RYR2: variants seen among roughly 807,000 people sequenced by gnomAD.
The protein encoded by RYR2 is ryanodine receptor 2, also known as cardiac muscle ryanodine receptor-calcium release channel.
A neutral mutation model predicts 601.1 loss-of-function variants in RYR2; 227 were observed. That is an observed-to-expected ratio of 0.38 (90% CI 0.34 to 0.42). The LOEUF is 0.42. RYR2 is among the 10% of genes least tolerant of loss of function. RYR2 has a pLI of 1.00. For missense variants in RYR2, 4,646 were observed against 6,156.5 expected (o/e 0.75, Z 8.21); for synonymous variants, 2,223 against 2,175.1 (o/e 1.02, Z -0.61).
In RYR2 at chr1:237,047,312, C is replaced by T. The variant is rs528754819; in HGVS notation, c.48+4743C>T. Among the ~76,000 whole-genome samples, 4 of 150,488 alleles carry T rather than the reference C, an allele frequency of 2.7e-5. No homozygotes were observed. The South Asian group carries it at 8.5e-4, about 32-fold the overall frequency. On this transcript the variant is annotated intron_variant, in intron 1 of 104. Transcript: ENST00000366574. ...CCAGTGAAAAGGAGGTTTCTTTTGT[C>T]TTTTCTAATGTTACAGTCCCTCACA...
intron 1 of RYR2, among the ~76,000 whole-genome samples, chr1:237,148,561 C>CATATATATATATATATATATAT (rs1558320364): frequency 8.2e-5 from 9 of 109,748 alleles, no homozygotes; most frequent in African/African-American, 3.4e-4. Flanking sequence ...TATACACACA[C>CATATATATATATATATATATAT]ACATATATAT....
intron 1 of RYR2, among the ~76,000 whole-genome samples, chr1:237,163,242 T>A (rs1676237298): frequency 6.6e-6 from 1 of 152,164 alleles, no homozygotes; most frequent in Admixed American, 6.5e-5. Context: ...GTTCTCCCTT[T>A]TACTGTCCAC....
chr1:237,561,833 G>A (rs2148203666), intron 27 of RYR2, among the ~76,000 whole-genome samples: 1 of 152,286 alleles, frequency 6.6e-6, no homozygotes, highest in African/African-American at 2.4e-5. Flanking sequence ...GGCAGTGCTT[G>A]GAGGTAGACC....
Position 237,713,343 on chromosome 1 carries a change from T to C in RYR2, c.10323+1506T>C, listed in dbSNP as rs181617109. Among the ~76,000 whole-genome samples the C allele has an allele frequency of 3.0e-3, 453 of 152,264 alleles. 5 individuals are homozygous for C. The highest frequency in any genetic ancestry group is 3.9e-3 in the Non-Finnish European group (267 of 68,026). On this transcript the variant is annotated intron_variant, in intron 71 of 104. Transcript: ENST00000366574. Reference sequence around the variant, plus strand: ...AGATAAGAACCTCTCAATTTTAACATTTCTGACCCACAAATTTTCTCAAAC... The same window carrying C: ...AGATAAGAACCTCTCAATTTTAACACTTCTGACCCACAAATTTTCTCAAAC...
At chr1:237,496,971 G>A (rs1438128182) in intron 20 of RYR2, among the ~76,000 whole-genome samples, 1 of 152,142 alleles carries the variant, frequency 6.6e-6, no homozygotes, top group Non-Finnish European at 1.5e-5. Flanking sequence ...AGGGACTGCC[G>A]AGCTTGTGAA....
intron 10 of RYR2, among the ~76,000 whole-genome samples, chr1:237,391,588 A>G (rs995712678): frequency 2.0e-5 from 3 of 152,182 alleles, no homozygotes; most frequent in Non-Finnish European, 4.4e-5. Context: ...CTGTGTTTCT[A>G]CATGGATTTG....
chr1:237,713,420 G>A lies in RYR2; in HGVS notation c.10323+1583G>A, dbSNP rs572550803. Among the ~76,000 whole-genome samples, 149 of 151,950 alleles carry A rather than the reference G, an allele frequency of 9.8e-4. 1 individual carries two copies. Among genetic ancestry groups the A allele is most frequent in the Middle Eastern group, 3.4e-3 (1 of 294 alleles). Reference sequence around the variant, plus strand: ...TTTGTTTGTTTTGTTTTTTTGAGACGGAGCCTTGCTTTGTTGCCCAGGCTG... The same window carrying A: ...TTTGTTTGTTTTGTTTTTTTGAGACAGAGCCTTGCTTTGTTGCCCAGGCTG... On this transcript the variant is annotated intron_variant, in intron 71 of 104. Transcript: ENST00000366574.
At chr1:237,333,016 T>G (rs1330032377) in intron 3 of RYR2, among the ~76,000 whole-genome samples, 1 of 152,186 alleles carries the variant, frequency 6.6e-6, no homozygotes, top group Non-Finnish European at 1.5e-5. Context: ...CATTTATTAG[T>G]TAGAATTTCT....
chr1:237,101,988 G>A (rs2148521740), intron 1 of RYR2, among the ~76,000 whole-genome samples: 1 of 152,330 alleles, frequency 6.6e-6, no homozygotes, highest in Non-Finnish European at 1.5e-5. Context: ...TGCCTTGTGG[G>A]CCTCTTGATG....
At chr1:237,446,035 T>G (rs745814958) in intron 14 of RYR2, among the ~76,000 whole-genome samples, 3 of 152,184 alleles carry the variant, frequency 2.0e-5, no homozygotes, top group Non-Finnish European at 2.9e-5. Flanking sequence ...CAGGATGAAC[T>G]CGATCTCTTG....
intron 98 of RYR2, among the ~76,000 whole-genome samples, chr1:237,803,546 C>T (rs554678529): frequency 3.9e-5 from 6 of 152,168 alleles, no homozygotes; most frequent in East Asian, 3.9e-4. Context: ...GTGAACCGAC[C>T]GCCTTGGCCT....
chr1:237,403,689 G>A (rs762992315), intron 10 of RYR2, among the ~76,000 whole-genome samples: 3 of 152,216 alleles, frequency 2.0e-5, no homozygotes, highest in Non-Finnish European at 4.4e-5. Flanking sequence ...GCCTCCCAAA[G>A]TGCTGGGATT....
At chr1:237,713,559 C>G (rs934420829) in intron 71 of RYR2, among the ~76,000 whole-genome samples, 1 of 151,946 alleles carries the variant, frequency 6.6e-6, no homozygotes, top group Non-Finnish European at 1.5e-5. Flanking sequence ...CCACCATGCC[C>G]AGTTAATTTT....
At chr1:237,126,037 G>C (rs997968651) in intron 1 of RYR2, among the ~76,000 whole-genome samples, 1 of 152,196 alleles carries the variant, frequency 6.6e-6, no homozygotes, top group African/African-American at 2.4e-5. Context: ...AGGAGTTTGA[G>C]ACCACCCTGG....
chr1:237,460,358 G>A (rs1437319817), intron 16 of RYR2, among the ~76,000 whole-genome samples: 1 of 152,134 alleles, frequency 6.6e-6, no homozygotes, highest in African/African-American at 2.4e-5. Flanking sequence ...ACCAACATTG[G>A]TCTTGACTGA....
At chr1:237,591,238 T>C (rs887817940) in intron 31 of RYR2, among the ~76,000 whole-genome samples, 5 of 137,996 alleles carry the variant, frequency 3.6e-5, no homozygotes, top group African/African-American at 1.1e-4. Context: ...CTCCTCCTCC[T>C]CTTTGTGCAA....
At chr1:237,267,610 G>C (rs1386106520) in intron 1 of RYR2, 3 of 328,960 alleles carry the variant, frequency 9.1e-6, no homozygotes, top group Non-Finnish European at 6.3e-6. Flanking sequence ...CTGGGCCCTA[G>C]ATCCTCATCT....
intron 1 of RYR2, among the ~76,000 whole-genome samples, chr1:237,177,689 A>G (rs550431836): frequency 2.6e-5 from 4 of 152,288 alleles, no homozygotes; most frequent in Non-Finnish European, 4.4e-5. Flanking sequence ...AGTTTATGTG[A>G]ACTACTGTTG....
chr1:237,452,403 A>G (rs142314715), intron 14 of RYR2, among the ~76,000 whole-genome samples: 4,697 of 143,742 alleles, frequency 0.033, 103 homozygotes, highest in Non-Finnish European at 0.053. Flanking sequence ...ATTATATAAT[A>G]TAGTATAAAC....
Sources: allele counts gnomAD v4.1 joint callset (sites outside exome capture counted in the v4.1 genomes callset), GRCh38; gene constraint gnomAD v4.1.1; transcripts MANE v1.5; gene names NCBI Gene and HGNC (gene_info 2026-07-23, HGNC 2026-07-21).